Variants in ATP13A4 observed in about 807,000 individuals in gnomAD.
ATP13A4 encodes the protein ATPase 13A4.
ATP13A4 carries 114 observed loss-of-function variants against 142.5 expected under a neutral mutation model. The observed-to-expected ratio is 0.80, with a 90% confidence interval of 0.69 to 0.93. ATP13A4 has a LOEUF of 0.93. ATP13A4 is among the 40% of genes least tolerant of loss of function. The pLI, the probability that ATP13A4 is intolerant of heterozygous loss-of-function variation, is 0.00. For synonymous variants in ATP13A4, 488 were observed against 514.8 expected (o/e 0.95, Z 0.70); for missense variants, 1,392 against 1,454.0 (o/e 0.96, Z 0.69).
chr3:193,487,018 C>G (rs1035831430), intron 7 of ATP13A4, among the ~76,000 whole-genome samples: 2 of 151,964 alleles, frequency 1.3e-5, no homozygotes, highest in African/African-American at 4.8e-5. Context: ...AAAAATGGAG[C>G]CTTTACATTA....
chr3:193,558,214 CTAAGT>C (rs900497583), upstream of ATP13A4, among the ~76,000 whole-genome samples: 24 of 152,202 alleles, frequency 1.6e-4, no homozygotes, highest in Non-Finnish European at 2.1e-4. Flanking sequence ...CTTGAACCTT[CTAAGT>C]TAAGTCTTCT....
intron 1 of ATP13A4, among the ~76,000 whole-genome samples, chr3:193,521,534 C>T (rs1021373004): frequency 4.6e-5 from 7 of 152,158 alleles, no homozygotes; most frequent in African/African-American, 9.7e-5. Flanking sequence ...TTAACCTAAT[C>T]GTGTATGGTT....
chr3:193,467,241 C>A lies in ATP13A4; in HGVS notation c.1114+75G>T, dbSNP rs927739181. The A allele has an allele frequency of 8.8e-6, 13 of 1,471,896 alleles. 1 individual carries two copies. The African/African-American group carries it at 9.9e-5, about 11-fold the overall frequency. The allele number at this position is 1,471,896 out of a possible 1,614,324, so 91.2% of individuals were successfully genotyped here. A position where few individuals can be genotyped will look rare whatever the true frequency, so the allele number is the denominator to read the frequency against. The stretch of plus-strand genomic sequence containing the variant: ...TAAAGAAAAAACAGCTTCTCTTTAC[C>A]TAATAAATTTAAGGCACTAGACAAA... On this transcript the variant is annotated intron_variant, in intron 10 of 29. Coordinates refer to ENST00000342695, the MANE Select transcript of ATP13A4 (RefSeq NM_032279.4).
chr3:193,541,248 CAAAA>C (rs71179308), intron 1 of ATP13A4, among the ~76,000 whole-genome samples: 2 of 51,290 alleles, frequency 3.9e-5, no homozygotes, highest in African/African-American at 1.4e-4. Flanking sequence ...GACTCCTTCT[CAAAA>C]AAAAAAAAAA....
intron 13 of ATP13A4, among the ~76,000 whole-genome samples, chr3:193,461,619 T>C (rs1717949411): frequency 6.6e-6 from 1 of 152,240 alleles, no homozygotes; most frequent in African/African-American, 2.4e-5. Flanking sequence ...TTAAACTATG[T>C]GTAATTAACA....
chr3:193,572,710 A>G (rs1933309191), intron 2 of ATP13A4, among the ~76,000 whole-genome samples: 1 of 152,148 alleles, frequency 6.6e-6, no homozygotes, highest in African/African-American at 2.4e-5. Context: ...GTTTGTTCAT[A>G]TACCCAGAAA....
chr3:193,477,803 C>T (rs1286296601), intron 8 of ATP13A4, among the ~76,000 whole-genome samples: 1 of 151,930 alleles, frequency 6.6e-6, no homozygotes. Context: ...GGTAACTGTC[C>T]AGGGGAGAGC....
chr3:193,414,531 T>A, intron 26 of ATP13A4, 48 bp downstream of exon 26: 1 of 1,600,730 alleles, frequency 6.2e-7, no homozygotes, highest in South Asian at 1.1e-5. Context: ...AGAGGATGTT[T>A]GATAGAAATT....
chr3:193,514,550 G>C, intron 2 of ATP13A4, 148 bp downstream of exon 2: 1 of 1,011,386 alleles, frequency 9.9e-7, no homozygotes, highest in South Asian at 1.5e-5. Context: ...AATCCTGCTA[G>C]ATGCAAGGCT....
intron 2 of ATP13A4, among the ~76,000 whole-genome samples, chr3:193,511,958 A>G (rs750175752): frequency 6.6e-6 from 1 of 150,942 alleles, no homozygotes; most frequent in Non-Finnish European, 1.5e-5. Flanking sequence ...CTCTCTCTTC[A>G]TTTTCCTCTT....
chr3:193,578,597 G>A (rs145168703), intron 2 of ATP13A4, among the ~76,000 whole-genome samples: 29 of 152,228 alleles, frequency 1.9e-4, no homozygotes, highest in Admixed American at 1.4e-3. Flanking sequence ...TGAAAGAGAC[G>A]GGTTTTTGAA....
chr3:193,484,110 A>G, intron 7 of ATP13A4, 105 bp from the exon 8 acceptor site: 1 of 961,104 alleles, frequency 1.0e-6, no homozygotes, highest in South Asian at 1.3e-5. Flanking sequence ...TCTTACTGCC[A>G]GTTGAATGGA....
At chr3:193,550,965 C>A (rs1197891417) in intron 1 of ATP13A4, among the ~76,000 whole-genome samples, 1 of 152,150 alleles carries the variant, frequency 6.6e-6, no homozygotes, top group Admixed American at 6.5e-5. Flanking sequence ...CGTCAGGACT[C>A]AAAGAGATTT....
intron 3 of ATP13A4, among the ~76,000 whole-genome samples, chr3:193,500,884 A>T: frequency 6.6e-6 from 1 of 152,336 alleles, no homozygotes; most frequent in South Asian, 2.1e-4. Context: ...TTCACAAATG[A>T]CCTTAATATC....
chr3:193,586,051 T>C (rs374552172), intron 1 of ATP13A4, among the ~76,000 whole-genome samples: 1 of 148,644 alleles, frequency 6.7e-6, no homozygotes, highest in Admixed American at 6.9e-5. Flanking sequence ...GCCAAATATG[T>C]ATATAAAATA....
intron 1 of ATP13A4, among the ~76,000 whole-genome samples, chr3:193,586,074 T>A (rs1463525085): frequency 3.2e-4 from 35 of 110,426 alleles, no homozygotes; most frequent in African/African-American, 1.3e-3. Flanking sequence ...TATATATCTG[T>A]ATATGTATAC....
chr3:193,529,804 T>G (rs1237922205), intron 1 of ATP13A4, among the ~76,000 whole-genome samples: 2 of 152,212 alleles, frequency 1.3e-5, no homozygotes, highest in Non-Finnish European at 2.9e-5. Context: ...TAATAAAAAT[T>G]TAGTTATAAT....
At chr3:193,555,892 C>T (rs1333957366), upstream of ATP13A4, among the ~76,000 whole-genome samples, 1 of 152,176 alleles carries the variant, frequency 6.6e-6, no homozygotes, top group Non-Finnish European at 1.5e-5. Context: ...ACTATAGGAA[C>T]CGGCTCTTCT....
At chr3:193,406,594 A>G (rs1285922772) in intron 29 of ATP13A4, among the ~76,000 whole-genome samples, 3 of 152,232 alleles carry the variant, frequency 2.0e-5, no homozygotes, top group Non-Finnish European at 4.4e-5. Context: ...AGCTCATTTC[A>G]CTGAGGAAAT....
Sources: gnomAD v4.1 joint callset for allele counts (sites outside exome capture counted in the v4.1 genomes callset) on GRCh38, gnomAD v4.1.1 for gene constraint, MANE v1.5 for transcripts, NCBI Gene and HGNC (gene_info 2026-07-23, HGNC 2026-07-21) for gene names.